Variants in P3H2 observed in about 807,000 individuals in gnomAD.
The protein encoded by P3H2 is prolyl 3-hydroxylase 2, also known as leprecan-like 1.
Under a neutral mutation model 87.0 loss-of-function variants are expected in P3H2, and 80 were observed. The observed-to-expected ratio is 0.92, with a 90% CI of 0.77 to 1.11. P3H2 has a LOEUF of 1.11. P3H2 is among the 50% of genes least tolerant of loss of function. The pLI, the probability that P3H2 is intolerant of heterozygous loss-of-function variation, is 0.00. For synonymous variants in P3H2, 367 were observed against 359.3 expected, an observed-to-expected ratio of 1.02 and a Z score of -0.24; for missense variants, 1,001 against 923.9, an observed-to-expected ratio of 1.08 and a Z score of -1.08.
intron 13 of P3H2, 171 bp from the exon 14 acceptor site, chr3:189,964,269 A>C: frequency 1.4e-6 from 1 of 692,950 alleles, no homozygotes; most frequent in Non-Finnish European, 2.5e-6. Context: ...CGTAAAACAA[A>C]GGTAAGGTCA....
intron 1 of P3H2, among the ~76,000 whole-genome samples, chr3:190,075,048 T>A (rs1303724181): frequency 6.6e-6 from 1 of 152,198 alleles, no homozygotes; most frequent in Non-Finnish European, 1.5e-5. Context: ...TCCACTCCAC[T>A]CACACCTTTT....
At chr3:190,103,927 G>A (rs897303615) in intron 1 of P3H2, among the ~76,000 whole-genome samples, 2 of 152,022 alleles carry the variant, frequency 1.3e-5, no homozygotes, top group Non-Finnish European at 2.9e-5. Flanking sequence ...AAGTAGCTGG[G>A]ATTACAGGTG....
chr3:190,100,486 T>C (rs924616718), intron 1 of P3H2, among the ~76,000 whole-genome samples: 7 of 152,134 alleles, frequency 4.6e-5, no homozygotes, highest in African/African-American at 1.4e-4. Context: ...GGAAATATTC[T>C]GCCAAATATT....
intron 1 of P3H2, among the ~76,000 whole-genome samples, chr3:190,029,443 T>C (rs1011614484): frequency 2.0e-5 from 3 of 152,194 alleles, no homozygotes; most frequent in Non-Finnish European, 4.4e-5. Context: ...TTTCGGGCTG[T>C]CACAACTGAT....
chr3:190,100,962 C>G (rs1711603751), intron 1 of P3H2, among the ~76,000 whole-genome samples: 2 of 152,072 alleles, frequency 1.3e-5, no homozygotes, highest in South Asian at 4.1e-4. Context: ...TTTGGTAATT[C>G]TCACAATATT....
intron 1 of P3H2, among the ~76,000 whole-genome samples, chr3:190,002,279 A>G (rs1157562465): frequency 2.0e-5 from 3 of 152,202 alleles, no homozygotes; most frequent in Non-Finnish European, 4.4e-5. Context: ...TAACATCCAT[A>G]GAGAACTACC....
At chr3:190,031,235 T>A (rs1725241258) in intron 1 of P3H2, among the ~76,000 whole-genome samples, 3 of 152,130 alleles carry the variant, frequency 2.0e-5, no homozygotes. Flanking sequence ...ATGGAAGATA[T>A]AACCAAAAAA....
intron 12 of P3H2, among the ~76,000 whole-genome samples, chr3:189,971,245 T>TTTTG (rs955738995): frequency 6.6e-6 from 1 of 152,236 alleles, no homozygotes; most frequent in Non-Finnish European, 1.5e-5. Flanking sequence ...TCTAAAGGAT[T>TTTTG]TTTGTTTGTT....
intron 14 of P3H2, among the ~76,000 whole-genome samples, chr3:189,961,553 C>A (rs1020163900): frequency 2.0e-5 from 3 of 152,092 alleles, no homozygotes; most frequent in African/African-American, 7.2e-5. Context: ...CAGGAACTCC[C>A]AAACTCTGCT....
chr3:190,103,508 T>G (rs973835621), intron 1 of P3H2, among the ~76,000 whole-genome samples: 2 of 152,220 alleles, frequency 1.3e-5, no homozygotes, highest in African/African-American at 4.8e-5. Context: ...AACTATCTTA[T>G]TGGGAAAGTG....
intron 13 of P3H2, among the ~76,000 whole-genome samples, chr3:189,966,119 AAGAAAAAGAAAGAAAGAAAGAAAG>A (rs1722983226): frequency 3.0e-5 from 3 of 101,528 alleles, no homozygotes; most frequent in Non-Finnish European, 5.7e-5. Context: ...GAAAGAAAGA[AAGAAAAAGAAAGAAAGAAAGAAAG>A]AAAGAAAGAA....
At chr3:190,005,715 C>T (rs542707967) in intron 1 of P3H2, among the ~76,000 whole-genome samples, 14 of 152,308 alleles carry the variant, frequency 9.2e-5, no homozygotes, top group African/African-American at 3.4e-4. Context: ...AAAGTTATTT[C>T]CAAACACTCA....
intron 1 of P3H2, among the ~76,000 whole-genome samples, chr3:190,039,015 C>A (rs1460703586): frequency 6.6e-6 from 1 of 152,072 alleles, no homozygotes; most frequent in African/African-American, 2.4e-5. Flanking sequence ...CATGGAGAAA[C>A]CCTGTCTCTA....
In P3H2 at chr3:190,047,852, A is replaced by T. The variant is rs1511620; in HGVS notation, c.481-52410T>A. Among the ~76,000 whole-genome samples, 3 of 152,196 alleles carry T rather than the reference A, an allele frequency of 2.0e-5. No individual in the cohort carries two copies. The East Asian group carries it at 5.8e-4, about 29-fold the overall frequency. ...TACAGTTAGATAGAAGGAATAAGTT[A>T]CAGTATGGAATAGCACAGTAGGGAG... is the stretch of plus-strand genomic sequence containing the variant. On this transcript the variant is annotated intron_variant, in intron 1 of 14. Coordinates refer to ENST00000319332, the MANE Select transcript of P3H2 (RefSeq NM_018192.4).
At chr3:190,103,027 A>C (rs1711688652) in intron 1 of P3H2, among the ~76,000 whole-genome samples, 1 of 152,222 alleles carries the variant, frequency 6.6e-6, no homozygotes, top group Admixed American at 6.5e-5. Context: ...AGGTATGTAC[A>C]TTGTTTTTTA....
chr3:190,093,202 C>T (rs1248999436), intron 1 of P3H2, among the ~76,000 whole-genome samples: 3 of 152,130 alleles, frequency 2.0e-5, no homozygotes, highest in Non-Finnish European at 4.4e-5. Context: ...TCATGCAGTG[C>T]GAATACATAG....
At chr3:190,001,764 TAC>T (rs1289403678) in intron 1 of P3H2, among the ~76,000 whole-genome samples, 1 of 150,362 alleles carries the variant, frequency 6.7e-6, no homozygotes, top group Non-Finnish European at 1.5e-5. Context: ...CTCATATACA[TAC>T]ACATGTCACA....
At chr3:190,019,016 T>C (rs1724853627) in intron 1 of P3H2, among the ~76,000 whole-genome samples, 1 of 152,210 alleles carries the variant, frequency 6.6e-6, no homozygotes, top group African/African-American at 2.4e-5. Flanking sequence ...CTGGATCCTA[T>C]GCCACTCATC....
At chr3:190,072,866 G>T (rs1726750603) in intron 1 of P3H2, among the ~76,000 whole-genome samples, 1 of 152,164 alleles carries the variant, frequency 6.6e-6, no homozygotes, top group Non-Finnish European at 1.5e-5. Flanking sequence ...GTTGAATACT[G>T]ATTTCTGAGA....
Sources: allele counts gnomAD v4.1 joint callset (sites outside exome capture counted in the v4.1 genomes callset), GRCh38; gene constraint gnomAD v4.1.1; transcripts MANE v1.5; gene names NCBI Gene and HGNC (gene_info 2026-07-23, HGNC 2026-07-21).